LDLRAD4: variants seen among roughly 807,000 people sequenced by gnomAD.
The protein encoded by LDLRAD4 is low density lipoprotein receptor class A domain containing 4.
Under a neutral mutation model 17.0 loss-of-function variants are expected in LDLRAD4, and 5 were observed. The observed-to-expected ratio is 0.29, with a 90% CI of 0.15 to 0.62. The LOEUF is 0.62. Among genes scored for constraint, LDLRAD4 ranks in the 20% least tolerant of loss-of-function variants. The pLI, the probability that LDLRAD4 is intolerant of heterozygous loss-of-function variation, is 0.84. For synonymous variants in LDLRAD4, 168 were observed against 171.8 expected (o/e 0.98, Z 0.17); for missense variants, 340 against 424.7 (o/e 0.80, Z 1.75).
chr18:13,644,020 A>C (rs1014265795), intron 5 of LDLRAD4, among the ~76,000 whole-genome samples: 12 of 152,234 alleles, frequency 7.9e-5, no homozygotes, highest in African/African-American at 2.9e-4. Context: ...TCATTTTGAA[A>C]AAATAAATTA....
At chr18:13,258,364 CT>C (rs201587261) in intron 1 of LDLRAD4, among the ~76,000 whole-genome samples, 2,744 of 146,980 alleles carry the variant, frequency 0.019, 80 homozygotes, top group African/African-American at 0.061. Flanking sequence ...CTACGAAATC[CT>C]TTTTTTTTTT....
chr18:13,429,280 A>G (rs1452595030), intron 2 of LDLRAD4, among the ~76,000 whole-genome samples: 1 of 152,088 alleles, frequency 6.6e-6, no homozygotes, highest in Non-Finnish European at 1.5e-5. Flanking sequence ...CCTGATTCGG[A>G]TTTGTTTAGG....
At chr18:13,263,478 C>T (rs1287711440) in intron 1 of LDLRAD4, among the ~76,000 whole-genome samples, 1 of 152,160 alleles carries the variant, frequency 6.6e-6, no homozygotes. Context: ...AGCTAACACA[C>T]AGAGCTGTGC....
intron 1 of LDLRAD4, chr18:13,382,727 G>A (rs1284761830): frequency 3.3e-5 from 5 of 152,260 alleles, no homozygotes; most frequent in Non-Finnish European, 7.3e-5. Context: ...TTGCGTCCTG[G>A]GTAAGTTGCC....
exon 6 of LDLRAD4, chr18:13,650,287 A>G (rs1455773737): frequency 1.7e-5 from 7 of 406,210 alleles, no homozygotes; most frequent in Admixed American, 1.3e-4. Flanking sequence ...AACTGGATGC[A>G]TTAGGAAGCT....
chr18:13,291,054 CTAAA>C (rs1426857567), intron 1 of LDLRAD4, among the ~76,000 whole-genome samples: 1 of 152,202 alleles, frequency 6.6e-6, no homozygotes, highest in African/African-American at 2.4e-5. Flanking sequence ...AATAGCAAAA[CTAAA>C]TAAACCTAAA....
In LDLRAD4 at chr18:13,237,728, C is replaced by G. The variant is rs181479463; in HGVS notation, c.-467+18740C>G. ...ACTCAAGACCTCTGGCCTCAGTTTC[C>G]CCATGGAGAACCCCCTTCATGGAGG... On this transcript the variant is annotated intron_variant, in intron 1 of 5. Coordinates refer to the LDLRAD4 transcript ENST00000399848. Among the ~76,000 whole-genome samples, 47 of 152,306 alleles carry G rather than the reference C, an allele frequency of 3.1e-4. No individual in the cohort carries two copies. The Middle Eastern group carries it at 0.01, about 33-fold the overall frequency.
intron 1 of LDLRAD4, among the ~76,000 whole-genome samples, chr18:13,322,308 T>G (rs908453299): frequency 3.4e-5 from 5 of 147,358 alleles, no homozygotes; most frequent in South Asian, 2.2e-4. Flanking sequence ...TTTTTTTTTT[T>G]TTTGGTTTTG....
At chr18:13,294,663 CG>C (rs1200790842) in intron 1 of LDLRAD4, among the ~76,000 whole-genome samples, 1 of 152,046 alleles carries the variant, frequency 6.6e-6, no homozygotes, top group East Asian at 1.9e-4. Context: ...GGCCTGCGCT[CG>C]GGGACACAGG....
At chr18:13,217,748 G>C (rs2041240268), upstream of LDLRAD4, 1 of 151,220 alleles carries the variant, frequency 6.6e-6, no homozygotes, top group East Asian at 2.0e-4. This position sits in a 1 kb window ranked among gnomAD's most constrained non-coding sequence, Gnocchi z 4.9. Context: ...CGCTGAGGCT[G>C]CGGACCGGGC....
At chr18:13,259,518 G>A (rs1227736695) in intron 1 of LDLRAD4, among the ~76,000 whole-genome samples, 1 of 152,122 alleles carries the variant, frequency 6.6e-6, no homozygotes, top group East Asian at 1.9e-4. Flanking sequence ...GAGTTTTAGT[G>A]CTAAAACATC....
intron 2 of LDLRAD4, among the ~76,000 whole-genome samples, chr18:13,413,647 A>G (rs990926132): frequency 1.3e-5 from 2 of 152,254 alleles, no homozygotes; most frequent in African/African-American, 4.8e-5. Context: ...ATTCTATTCA[A>G]TCATTCAGTC....
chr18:13,263,307 C>A (rs529767435), intron 1 of LDLRAD4, among the ~76,000 whole-genome samples: 1 of 151,680 alleles, frequency 6.6e-6, no homozygotes, highest in African/African-American at 2.4e-5. Flanking sequence ...GAGTCCCATG[C>A]GGCTCTGTGT....
chr18:13,229,498 A>G (rs1197009467), intron 1 of LDLRAD4, among the ~76,000 whole-genome samples: 3 of 152,218 alleles, frequency 2.0e-5, no homozygotes, highest in African/African-American at 7.2e-5. Flanking sequence ...TCTGCCCTGC[A>G]CTGGCACAGT....
intron 3 of LDLRAD4, among the ~76,000 whole-genome samples, chr18:13,607,136 A>C (rs577242561): frequency 9.2e-5 from 14 of 152,336 alleles, no homozygotes; most frequent in African/African-American, 3.1e-4. Flanking sequence ...TGAGCAAAAC[A>C]ATGAGTGGGT....
chr18:13,550,101 A>G (rs1271102526), intron 3 of LDLRAD4, among the ~76,000 whole-genome samples: 6 of 152,206 alleles, frequency 3.9e-5, no homozygotes, highest in Non-Finnish European at 8.8e-5. Context: ...TGCTGTCTAC[A>G]AGGGGGCAAT....
Position 13,436,829 on chromosome 18 carries a change from G to A in LDLRAD4, c.41-1415G>A, listed in dbSNP as rs1345342371. ...CCGCTAGCGAGGCGCTTGTGGGTGT[G>A]CATTTGGGCTGTGTTCACATGTTAT... On this transcript the variant is annotated intron_variant, in intron 2 of 5. Coordinates refer to ENST00000359446, the Ensembl canonical transcript of LDLRAD4. 2.0e-5 allele frequency among the ~76,000 whole-genome samples: 3 copies of A among 152,242 alleles called. No individual in the cohort carries two copies. The East Asian group carries it at 5.8e-4, about 29-fold the overall frequency.
At chr18:13,566,520 G>A (rs1040872610) in intron 3 of LDLRAD4, among the ~76,000 whole-genome samples, 3 of 151,940 alleles carry the variant, frequency 2.0e-5, no homozygotes, top group African/African-American at 4.8e-5. Context: ...CTGCCACCAC[G>A]CCCGGCTGAT....
chr18:13,448,765 A>G (rs2091597787), intron 3 of LDLRAD4, among the ~76,000 whole-genome samples: 1 of 152,122 alleles, frequency 6.6e-6, no homozygotes, highest in Non-Finnish European at 1.5e-5. Context: ...CTTGAAAAAA[A>G]TTATCCAAAA....
Sources: allele counts gnomAD v4.1 joint callset (sites outside exome capture counted in the v4.1 genomes callset), GRCh38; gene constraint gnomAD v4.1.1; non-coding constraint Gnocchi (gnomAD v3.1); transcripts MANE v1.5; gene names NCBI Gene and HGNC (gene_info 2026-07-23, HGNC 2026-07-21).